The following GAB2 variants were observed in gnomAD, a reference collection of about 807,000 sequenced individuals.
GAB2 encodes the protein GRB2 associated binding protein 2, also known as GRB2-associated-binding protein 2.
GAB2 carries 26 observed loss-of-function variants against 65.5 expected under a neutral mutation model. The observed-to-expected ratio is 0.40, with a 90% CI of 0.29 to 0.55. The LOEUF (loss-of-function observed/expected upper bound fraction) is 0.55, where lower values mean the gene tolerates loss of function less well. Among genes scored for constraint, GAB2 ranks in the 20% least tolerant of loss-of-function variants. GAB2 has a pLI of 0.53. For synonymous variants in GAB2, 321 were observed against 329.6 expected, an observed-to-expected ratio of 0.97 and a Z score of 0.28; for missense variants, 884 against 875.8, an observed-to-expected ratio of 1.01 and a Z score of -0.12.
At chr11:78,370,725 A>G (rs60155781) in intron 1 of GAB2, among the ~76,000 whole-genome samples, 6,027 of 148,746 alleles carry the variant, frequency 0.041, 375 homozygotes, top group African/African-American at 0.13. Context: ...GTGTGTGTGT[A>G]TGTGTGTGTG....
At chr11:78,407,431 G>T (rs1857059159) in intron 1 of GAB2, among the ~76,000 whole-genome samples, 1 of 151,986 alleles carries the variant, frequency 6.6e-6, no homozygotes. Context: ...AGGAGTTCAA[G>T]ACCAGCCTGG....
chr11:78,272,147 C>A (rs180797297), intron 2 of GAB2, among the ~76,000 whole-genome samples: 3 of 152,230 alleles, frequency 2.0e-5, no homozygotes, highest in African/African-American at 4.8e-5. Flanking sequence ...TCTTTATCAG[C>A]AGTGTGAAAA....
At chr11:78,348,172 G>A (rs996528613) in intron 1 of GAB2, among the ~76,000 whole-genome samples, 7 of 152,104 alleles carry the variant, frequency 4.6e-5, no homozygotes, top group Non-Finnish European at 7.4e-5. Flanking sequence ...AAGCAGAAGA[G>A]GTAGAAGGGG....
At chr11:78,290,889 A>T (rs1866647357) in intron 1 of GAB2, among the ~76,000 whole-genome samples, 1 of 152,154 alleles carries the variant, frequency 6.6e-6, no homozygotes, top group Non-Finnish European at 1.5e-5. Flanking sequence ...AACACTGGAG[A>T]TTTTGAAGAA....
chr11:78,257,481 T>A (rs565413246), intron 2 of GAB2, among the ~76,000 whole-genome samples: 1 of 152,208 alleles, frequency 6.6e-6, no homozygotes, highest in Non-Finnish European at 1.5e-5. Flanking sequence ...ACTTGTTCAA[T>A]AGGGCTAAGT....
At chr11:78,319,404 G>A (rs1855679417) in intron 1 of GAB2, among the ~76,000 whole-genome samples, 1 of 152,128 alleles carries the variant, frequency 6.6e-6, no homozygotes, top group Non-Finnish European at 1.5e-5. Context: ...TGACTTTAAG[G>A]TAATAATTCA....
chr11:78,280,504 A>G (rs1413484288), intron 2 of GAB2, 97 bp downstream of exon 2: 13 of 1,007,164 alleles, frequency 1.3e-5, no homozygotes, highest in Non-Finnish European at 1.9e-5. Flanking sequence ...ACGCTCTTCC[A>G]ACAGGAAACC....
intron 2 of GAB2, among the ~76,000 whole-genome samples, chr11:78,251,115 A>T (rs953120586): frequency 1.8e-4 from 14 of 79,774 alleles, no homozygotes; most frequent in African/African-American, 5.3e-4. Flanking sequence ...GTTGAAATTT[A>T]AAAAAAAAAT....
chr11:78,296,480 G>A, intron 1 of GAB2, among the ~76,000 whole-genome samples: 1 of 151,690 alleles, frequency 6.6e-6, no homozygotes. Flanking sequence ...GCACATTACA[G>A]CCTTCTTGTG....
intron 3 of GAB2, among the ~76,000 whole-genome samples, chr11:78,241,817 A>G (rs1397742404): frequency 6.6e-6 from 1 of 152,240 alleles, no homozygotes; most frequent in Admixed American, 6.5e-5. Flanking sequence ...ATGGAACACC[A>G]TTAAGATCTA....
At chr11:78,388,680 T>C (rs983593517) in intron 1 of GAB2, among the ~76,000 whole-genome samples, 1 of 152,170 alleles carries the variant, frequency 6.6e-6, no homozygotes, top group Non-Finnish European at 1.5e-5. Flanking sequence ...ATAATTTCTC[T>C]TGTCTTTATC....
intron 1 of GAB2, among the ~76,000 whole-genome samples, chr11:78,296,403 T>C (rs1332583888): frequency 6.6e-6 from 1 of 152,248 alleles, no homozygotes. Context: ...AAGACTGAAC[T>C]CATGGCTAAC....
At chr11:78,284,699 C>G (rs1209195005) in intron 1 of GAB2, among the ~76,000 whole-genome samples, 3 of 152,020 alleles carry the variant, frequency 2.0e-5, no homozygotes, top group Non-Finnish European at 4.4e-5. Flanking sequence ...CTCTCTTTCC[C>G]CCCTTACCCT....
At chr11:78,314,910 A>G (rs148703587) in intron 1 of GAB2, among the ~76,000 whole-genome samples, 69 of 152,340 alleles carry the variant, frequency 4.5e-4, no homozygotes, top group Middle Eastern at 3.4e-3. Context: ...TTAAAGGTAA[A>G]GTGAATAAAA....
intron 1 of GAB2, among the ~76,000 whole-genome samples, chr11:78,353,998 C>T (rs1054089811): frequency 6.6e-6 from 1 of 152,184 alleles, no homozygotes; most frequent in African/African-American, 2.4e-5. Context: ...GGCTTGGGGG[C>T]CTGAGAATTT....
At position 78,368,067 on chromosome 11, in the gene GAB2, C is replaced by T. The variant is rs568181892; in HGVS notation, c.75+49579G>A. On this transcript the variant is annotated intron_variant, in intron 1 of 9. Coordinates refer to ENST00000361507, the MANE Select transcript of GAB2 (RefSeq NM_080491.3). Reference sequence around the variant, plus strand: ...TCCTGACCTCGTGATCCGCCCGCCTCGGCCTCCCAAAGTGCTGGGATTACA... The same window carrying T: ...TCCTGACCTCGTGATCCGCCCGCCTTGGCCTCCCAAAGTGCTGGGATTACA... Among the ~76,000 whole-genome samples, 399 of 152,220 alleles carry T rather than the reference C, an allele frequency of 2.6e-3. 7 individuals are homozygous for T. The highest frequency in any genetic ancestry group is 0.02 in the Middle Eastern group (6 of 294).
At position 78,384,093 on chromosome 11, in the gene GAB2, G is replaced by A. The variant is rs116432447; in HGVS notation, c.75+33553C>T. Among the ~76,000 whole-genome samples, 544 of 152,232 alleles carry A rather than the reference G, an allele frequency of 3.6e-3. 5 individuals carry two copies. Among genetic ancestry groups the A allele is most frequent in the African/African-American group, 0.012 (490 of 41,540 alleles). ...TTGGGAAGATCTATTCATTGATTTT[G>A]TACCAAACCTGCACTCTCATTTTGT... On this transcript the variant is annotated intron_variant, in intron 1 of 9. Transcript: ENST00000361507.
intron 1 of GAB2, among the ~76,000 whole-genome samples, chr11:78,413,801 C>A (rs1214801244): frequency 6.6e-6 from 1 of 152,064 alleles, no homozygotes. Flanking sequence ...AGGAACCATG[C>A]AGGCTGGGCG....
At chr11:78,370,662 A>G (rs1856558435) in intron 1 of GAB2, among the ~76,000 whole-genome samples, 1 of 151,918 alleles carries the variant, frequency 6.6e-6, no homozygotes, top group Non-Finnish European at 1.5e-5. Flanking sequence ...GCTCATTTAG[A>G]AGGTTACAGG....
Sources: allele counts gnomAD v4.1 joint callset (sites outside exome capture counted in the v4.1 genomes callset), GRCh38; gene constraint gnomAD v4.1.1; transcripts MANE v1.5; gene names NCBI Gene and HGNC (gene_info 2026-07-23, HGNC 2026-07-21).